BAZ1B: variants seen among roughly 807,000 people sequenced by gnomAD.
The protein encoded by BAZ1B is tyrosine-protein kinase BAZ1B.
BAZ1B carries 22 observed loss-of-function variants against 153.8 expected under a neutral mutation model. The ratio of observed to expected loss-of-function variants is 0.14; its 90% confidence interval spans 0.10 to 0.20. The LOEUF (loss-of-function observed/expected upper bound fraction) is 0.20, where lower values mean the gene tolerates loss of function less well. BAZ1B is among the 10% of genes least tolerant of loss of function. The probability of loss-of-function intolerance (pLI) is 1.00; values close to 1 mark genes in which losing one functional copy is unlikely to be tolerated. For synonymous variants in BAZ1B, 676 were observed against 633.4 expected (o/e 1.07, Z -1.01); for missense variants, 1,325 against 1,799.3 (o/e 0.74, Z 4.77).
At position 73,503,853 on chromosome 7, in the gene BAZ1B, G is replaced by C. The variant is rs761580921; in HGVS notation, c.369+4474C>G. 7.9e-5 allele frequency among the ~76,000 whole-genome samples: 12 copies of C among 152,126 alleles called. No homozygotes were observed. The East Asian group carries it at 2.3e-3, about 29-fold the overall frequency. Reference sequence around the variant, plus strand: ...AGATTCTGGTGAGTTCAGTTCATAGGGAGCATGAGCAGAAAACCAGGAGAT... The same window carrying C: ...AGATTCTGGTGAGTTCAGTTCATAGCGAGCATGAGCAGAAAACCAGGAGAT... On this transcript the variant is annotated intron_variant, in intron 3 of 19. Transcript: ENST00000339594.
chr7:73,473,703 C>CA (rs1788897822), intron 7 of BAZ1B, among the ~76,000 whole-genome samples: 1 of 152,152 alleles, frequency 6.6e-6, no homozygotes, highest in African/African-American at 2.4e-5. Flanking sequence ...AAGAACTATT[C>CA]AAGCCGGGGT....
At chr7:73,504,707 A>G (rs559747216) in intron 3 of BAZ1B, among the ~76,000 whole-genome samples, 1 of 152,110 alleles carries the variant, frequency 6.6e-6, no homozygotes, top group Admixed American at 6.6e-5. Context: ...GAGTGTCTAC[A>G]GTCCCAGCTA....
chr7:73,499,024 CTTATTA>C (rs1176974185), intron 3 of BAZ1B, among the ~76,000 whole-genome samples: 2 of 152,002 alleles, frequency 1.3e-5, no homozygotes, highest in Admixed American at 6.6e-5. Context: ...TATGTATTTA[CTTATTA>C]TTATTTTTTT....
chr7:73,469,745 C>A, intron 8 of BAZ1B, 95 bp from the exon 9 acceptor site: 1 of 1,393,782 alleles, frequency 7.2e-7, no homozygotes, highest in Non-Finnish European at 1.0e-6. Context: ...TATCACTGAG[C>A]ATTCAAAACC....
rs1179064202 is a variant in BAZ1B at position 73,521,971 on chromosome 7, CGGCCCCGCGGCGCAGCACTA to C, written c.-58_-39del. On this transcript the variant is annotated 5_prime_UTR_variant, in exon 1 of 20. Coordinates refer to ENST00000339594, the MANE Select transcript of BAZ1B (RefSeq NM_032408.4). ...GGTGGGGACTGGCGGCTGCTGGGGC[CGGCCCCGCGGCGCAGCACTA>C]GGCCCCGCGGCCCGGAGCGAGCGCC... 44 of 1,354,384 alleles carry C rather than the reference CGGCCCCGCGGCGCAGCACTA, an allele frequency of 3.2e-5. No homozygotes were observed. The African/African-American group carries it at 3.4e-4, about 10-fold the overall frequency. The allele number at this position is 1,354,384 out of a possible 1,614,324, so 83.9% of individuals were successfully genotyped here. A position where few individuals can be genotyped will look rare whatever the true frequency, so the allele number is the denominator to read the frequency against.
In BAZ1B at chr7:73,522,006, G is replaced by C; in HGVS notation, c.-73C>G. The C allele has an allele frequency of 3.5e-6, 4 of 1,129,228 alleles. No individual in the cohort carries two copies. Among genetic ancestry groups the C allele is most frequent in the Non-Finnish European group, 4.5e-6 (4 of 895,268 alleles). 70.0% of individuals were successfully genotyped at this position (1,129,228 alleles called of 1,614,324 possible). On this transcript the variant is annotated 5_prime_UTR_variant, in exon 1 of 20. Coordinates refer to ENST00000339594, the MANE Select transcript of BAZ1B (RefSeq NM_032408.4). ...GCGCAGCACTAGGCCCCGCGGCCCG[G>C]AGCGAGCGCCAGGCGCCCGGGGGTG...
At chr7:73,499,980 T>C (rs1790060130) in intron 3 of BAZ1B, among the ~76,000 whole-genome samples, 1 of 152,160 alleles carries the variant, frequency 6.6e-6, no homozygotes, top group African/African-American at 2.4e-5. Context: ...TTTCTACTGT[T>C]CTGTTATTGT....
intron 6 of BAZ1B, among the ~76,000 whole-genome samples, chr7:73,483,437 A>T (rs1202002501): frequency 2.6e-5 from 4 of 152,202 alleles, no homozygotes; most frequent in African/African-American, 9.6e-5. Context: ...AACTCTGAGG[A>T]CAACACTCAA....
chr7:73,512,524 C>T (rs545370953), intron 1 of BAZ1B, among the ~76,000 whole-genome samples: 87 of 152,190 alleles, frequency 5.7e-4, no homozygotes, highest in Non-Finnish European at 1.0e-3. Context: ...ATTTACTAGC[C>T]GTTTAGACAG....
intron 2 of BAZ1B, among the ~76,000 whole-genome samples, chr7:73,510,114 G>A (rs1480572019): frequency 6.6e-6 from 1 of 151,036 alleles, no homozygotes; most frequent in East Asian, 2.0e-4. Flanking sequence ...GCAACAGAGT[G>A]AGACTCCATC....
chr7:73,518,440 A>T (rs1790900574), intron 1 of BAZ1B, among the ~76,000 whole-genome samples: 1 of 151,788 alleles, frequency 6.6e-6, no homozygotes, highest in African/African-American at 2.4e-5. Context: ...ATAAATAAAA[A>T]TAAAAATAAA....
intron 7 of BAZ1B, among the ~76,000 whole-genome samples, chr7:73,474,810 A>T (rs574070755): frequency 2.7e-4 from 41 of 152,314 alleles, no homozygotes; most frequent in African/African-American, 9.4e-4. Context: ...CACGCAAAAT[A>T]GATGAAAATA....
At chr7:73,498,090 G>C (rs1789987743) in intron 4 of BAZ1B, among the ~76,000 whole-genome samples, 1 of 152,018 alleles carries the variant, frequency 6.6e-6, no homozygotes, top group Non-Finnish European at 1.5e-5. Context: ...TTCCCGAGTA[G>C]CTGGGATTAT....
At chr7:73,521,715 C>T in intron 1 of BAZ1B, 112 bp downstream of exon 1, 2 of 862,224 alleles carry the variant, frequency 2.3e-6, no homozygotes, top group South Asian at 5.8e-5. Flanking sequence ...GGCCGGGGCG[C>T]GCTGACAGCT....
chr7:73,489,960 A>G (rs1789570815), intron 5 of BAZ1B, among the ~76,000 whole-genome samples: 1 of 152,248 alleles, frequency 6.6e-6, no homozygotes, highest in Admixed American at 6.5e-5. Context: ...GTTGTCATCA[A>G]ATGCTTGTAA....
At chr7:73,446,947 T>C (rs1302994330) in intron 16 of BAZ1B, among the ~76,000 whole-genome samples, 1 of 152,244 alleles carries the variant, frequency 6.6e-6, no homozygotes, top group Non-Finnish European at 1.5e-5. Context: ...TCCTTCCCCA[T>C]TGTCCCCATA....
At chr7:73,518,431 TAAATAA>T (rs1240860204) in intron 1 of BAZ1B, among the ~76,000 whole-genome samples, 21 of 149,652 alleles carry the variant, frequency 1.4e-4, no homozygotes, top group South Asian at 2.1e-4. Context: ...AATAAATAAA[TAAATAA>T]AAATAAAAAT....
intron 3 of BAZ1B, among the ~76,000 whole-genome samples, chr7:73,507,751 C>A (rs1050782908): frequency 6.6e-6 from 1 of 152,238 alleles, no homozygotes. Context: ...GCAGTCCCAG[C>A]TACTCAGAAG....
Position 73,450,948 on chromosome 7 carries a change from T to C in BAZ1B, c.3479A>G (p.Gln1160Arg). The change falls in exon 14 of 20, where the codon CAG (glutamine) becomes CGG (arginine). Residue 1160 changes from glutamine to arginine, a missense_variant. Physicochemically the swap from Gln to Arg is conservative, Grantham distance 43. Transcript: ENST00000339594. The surrounding 1 kb of genome is among the most constrained non-coding windows in gnomAD (Gnocchi z 4.1). ...EKWKTAIREA[Q>R]TFSRMHVLLG... ...CAGCACGTGCATCCTGGAGAAAGTC[T>C]GAGCTTCCCGGATTGCTGTCTTCCA... 3.1e-6 allele frequency: 5 copies of C among 1,614,178 alleles called. No individual in the cohort carries two copies. The highest frequency in any genetic ancestry group is 3.4e-6 in the Non-Finnish European group (4 of 1,180,042).
Sources: gnomAD v4.1 joint callset for allele counts (sites outside exome capture counted in the v4.1 genomes callset) on GRCh38, gnomAD v4.1.1 for gene constraint, Gnocchi (gnomAD v3.1) non-coding constraint, MANE v1.5 for transcripts, NCBI Gene and HGNC (gene_info 2026-07-23, HGNC 2026-07-21) for gene names.